SLC35F1: variants seen among roughly 807,000 people sequenced by gnomAD.
SLC35F1 encodes solute carrier family 35 member F1, also known as chromosome 6 open reading frame 169.
A neutral mutation model predicts 48.7 loss-of-function variants in SLC35F1; 14 were observed. The observed-to-expected ratio is 0.29, with a 90% CI of 0.19 to 0.45. The LOEUF (loss-of-function observed/expected upper bound fraction) is 0.45. Among genes scored for constraint, SLC35F1 ranks in the 20% least tolerant of loss-of-function variants. The pLI, the probability that SLC35F1 is intolerant of heterozygous loss-of-function variation, is 1.00. For missense variants in SLC35F1, 404 were observed against 500.0 expected (o/e 0.81, Z 1.83); for synonymous variants, 190 against 202.2 (o/e 0.94, Z 0.51).
chr6:118,061,586 G>GTATATATATATATATATATATATA (rs780630752), intron 1 of SLC35F1, among the ~76,000 whole-genome samples: 6 of 145,402 alleles, frequency 4.1e-5, no homozygotes, highest in African/African-American at 1.5e-4. Context: ...GTGTGTGTGT[G>GTATATATATATATATATATATATA]TGTGTATATA....
At position 118,096,186 on chromosome 6, in the gene SLC35F1, T is replaced by C. The variant is rs562913140; in HGVS notation, c.174-58259T>C. Reference sequence around the variant, plus strand: ...AAGAATTGCTAATTCAGGGCTGAATTTGCAGTTAGCTAATATTAAATAAAT... The same window carrying C: ...AAGAATTGCTAATTCAGGGCTGAATCTGCAGTTAGCTAATATTAAATAAAT... On this transcript the variant is annotated intron_variant, in intron 1 of 7. Transcript: ENST00000360388. 2.6e-5 allele frequency among the ~76,000 whole-genome samples: 4 copies of C among 152,342 alleles called. No homozygotes were observed. In the South Asian group the frequency reaches 8.3e-4, roughly 32 times the overall value.
chr6:118,159,394 C>G (rs966329899), intron 2 of SLC35F1, among the ~76,000 whole-genome samples: 1 of 152,034 alleles, frequency 6.6e-6, no homozygotes, highest in Non-Finnish European at 1.5e-5. Context: ...TTAATTGTAA[C>G]CACTTTGAGA....
intron 4 of SLC35F1, among the ~76,000 whole-genome samples, chr6:118,269,208 C>G (rs777651513): frequency 3.9e-5 from 6 of 152,122 alleles, no homozygotes; most frequent in Non-Finnish European, 8.8e-5. Context: ...GAAAGTAAGT[C>G]TGTTAGAGAG....
chr6:117,968,686 G>A (rs1776602407), intron 1 of SLC35F1, among the ~76,000 whole-genome samples: 2 of 152,076 alleles, frequency 1.3e-5, no homozygotes, highest in Non-Finnish European at 2.9e-5. Flanking sequence ...AAAGACTTTT[G>A]GAAAATATGG....
At position 117,928,029 on chromosome 6, in the gene SLC35F1, G is replaced by A. The variant is rs2789012; in HGVS notation, c.173+20130G>A. 5.5e-3 allele frequency among the ~76,000 whole-genome samples: 842 copies of A among 152,174 alleles called. 7 individuals carry two copies. The highest frequency in any genetic ancestry group is 0.019 in the African/African-American group (802 of 41,528). On this transcript the variant is annotated intron_variant, in intron 1 of 7. Transcript: ENST00000360388. ...TGTTGCAGCTTTTAAAAGGCATTTGGCAGGGTTTCCTTCTACTCCCATTTC... is the reference window on the plus strand; with the variant it reads ...TGTTGCAGCTTTTAAAAGGCATTTGACAGGGTTTCCTTCTACTCCCATTTC...
intron 1 of SLC35F1, among the ~76,000 whole-genome samples, chr6:118,088,825 G>A (rs1257900933): frequency 1.3e-5 from 2 of 152,090 alleles, no homozygotes; most frequent in Non-Finnish European, 2.9e-5. Context: ...AGAAAAGGAG[G>A]GTTTTTCCTA....
chr6:118,233,578 C>T (rs778948408), intron 2 of SLC35F1, among the ~76,000 whole-genome samples: 2 of 152,172 alleles, frequency 1.3e-5, no homozygotes, highest in Non-Finnish European at 2.9e-5. Context: ...CTCCAAAACA[C>T]TTAGCTAACC....
At chr6:118,082,334 T>C (rs1772923154) in intron 1 of SLC35F1, among the ~76,000 whole-genome samples, 1 of 152,194 alleles carries the variant, frequency 6.6e-6, no homozygotes. Context: ...TATGTGTATA[T>C]ACTTATTATA....
intron 1 of SLC35F1, among the ~76,000 whole-genome samples, chr6:118,045,309 G>A (rs886140191): frequency 6.6e-5 from 10 of 152,144 alleles, no homozygotes; most frequent in Admixed American, 4.6e-4. Context: ...TTCCTAGGCT[G>A]TTAGCTATGA....
intron 1 of SLC35F1, among the ~76,000 whole-genome samples, chr6:118,090,977 G>T (rs1045356408): frequency 6.6e-6 from 1 of 152,156 alleles, no homozygotes; most frequent in Admixed American, 6.5e-5. Flanking sequence ...TTTGAAGGAG[G>T]AGCTGATGGG....
intron 1 of SLC35F1, among the ~76,000 whole-genome samples, chr6:118,049,547 G>A (rs1223784964): frequency 1.3e-5 from 2 of 151,578 alleles, no homozygotes; most frequent in African/African-American, 2.4e-5. Context: ...ATCAAAAAGT[G>A]GGCAAAGGAT....
intron 1 of SLC35F1, among the ~76,000 whole-genome samples, chr6:118,043,107 G>A (rs145951762): frequency 4.6e-5 from 7 of 152,184 alleles, no homozygotes; most frequent in East Asian, 3.9e-4. Flanking sequence ...TAGACTGTTC[G>A]CCATAAGAAA....
rs182697195 is a variant in SLC35F1, at chr6:118,151,614, C to A, written c.174-2831C>A. On this transcript the variant is annotated intron_variant, in intron 1 of 7. Coordinates refer to ENST00000360388, the MANE Select transcript of SLC35F1 (RefSeq NM_001029858.4). ...ACTTGCAGCCTTGACCTCCCAAGCC[C>A]AAGCAATCCTCCTGCCTCAGTCTCC... Among the ~76,000 whole-genome samples the A allele has an allele frequency of 3.3e-3, 509 of 152,232 alleles. 3 individuals are homozygous for A. The highest frequency in any genetic ancestry group is 0.012 in the African/African-American group (487 of 41,546).
At chr6:117,923,715 A>ACATATGTATATG (rs1562238895) in intron 1 of SLC35F1, among the ~76,000 whole-genome samples, 1 of 7,760 alleles carries the variant, frequency 1.3e-4, no homozygotes, top group Admixed American at 1.6e-3. Context: ...ATGTACATAT[A>ACATATGTATATG]TACATATATA....
intron 1 of SLC35F1, among the ~76,000 whole-genome samples, chr6:118,142,267 T>C (rs1480754929): frequency 6.6e-6 from 1 of 152,102 alleles, no homozygotes; most frequent in Non-Finnish European, 1.5e-5. Flanking sequence ...AAAATAAATT[T>C]AATGTATATA....
At chr6:118,291,452 C>T (rs431115) in intron 7 of SLC35F1, among the ~76,000 whole-genome samples, 85,103 of 151,972 alleles carry the variant, frequency 0.56, 24,194 homozygotes, top group Middle Eastern at 0.61. Flanking sequence ...TCTGGATACC[C>T]GACTCTTATC....
intron 7 of SLC35F1, among the ~76,000 whole-genome samples, chr6:118,302,426 C>T (rs1192870871): frequency 1.3e-5 from 2 of 152,068 alleles, no homozygotes; most frequent in African/African-American, 4.8e-5. Flanking sequence ...ATCATATATC[C>T]AGAGAAAAGA....
At chr6:118,122,279 G>A (rs567554370) in intron 1 of SLC35F1, among the ~76,000 whole-genome samples, 1 of 150,478 alleles carries the variant, frequency 6.6e-6, no homozygotes, top group African/African-American at 2.4e-5. Context: ...CAACAAAAAC[G>A]TGGACTCTAT....
At chr6:118,181,247 A>G (rs920653498) in intron 2 of SLC35F1, among the ~76,000 whole-genome samples, 4 of 152,144 alleles carry the variant, frequency 2.6e-5, no homozygotes, top group Non-Finnish European at 5.9e-5. Flanking sequence ...AATTGTTCAA[A>G]TCATAATGAT....
Sources: allele counts gnomAD v4.1 joint callset (sites outside exome capture counted in the v4.1 genomes callset), GRCh38; gene constraint gnomAD v4.1.1; transcripts MANE v1.5; gene names NCBI Gene and HGNC (gene_info 2026-07-23, HGNC 2026-07-21).